SLC22A15: variants seen among roughly 807,000 people sequenced by gnomAD.
SLC22A15 encodes flipt 1.
A neutral mutation model predicts 62.7 loss-of-function variants in SLC22A15; 45 were observed. The observed-to-expected ratio is 0.72, with a 90% confidence interval of 0.56 to 0.92. The LOEUF (loss-of-function observed/expected upper bound fraction) is 0.92, where lower values mean the gene tolerates loss of function less well. SLC22A15 is among the 40% of genes least tolerant of loss of function. The pLI is 0.00. For missense variants in SLC22A15, 622 were observed against 665.6 expected (o/e 0.93, Z 0.72); for synonymous variants, 264 against 267.0 (o/e 0.99, Z 0.11).
intron 1 of SLC22A15, among the ~76,000 whole-genome samples, chr1:115,988,681 C>T (rs970345853): frequency 8.9e-6 from 1 of 112,046 alleles, no homozygotes; most frequent in Non-Finnish European, 1.8e-5. Flanking sequence ...CCACCATGCC[C>T]AGCTAATTTT....
At chr1:116,054,702 C>T (rs1658154531) in intron 8 of SLC22A15, among the ~76,000 whole-genome samples, 1 of 151,980 alleles carries the variant, frequency 6.6e-6, no homozygotes, top group African/African-American at 2.4e-5. Flanking sequence ...TTATAACAAA[C>T]TGCCTCAGAC....
chr1:116,059,856 T>G (rs963997258), intron 8 of SLC22A15, among the ~76,000 whole-genome samples: 1 of 152,350 alleles, frequency 6.6e-6, no homozygotes, highest in Non-Finnish European at 1.5e-5. Flanking sequence ...CCAAATGGTA[T>G]CTGGAAAACC....
chr1:116,048,488 A>G (rs1222095317), intron 8 of SLC22A15, among the ~76,000 whole-genome samples: 1 of 152,208 alleles, frequency 6.6e-6, no homozygotes, highest in African/African-American at 2.4e-5. Flanking sequence ...GAAATTAAGC[A>G]TCATATATGA....
intron 8 of SLC22A15, among the ~76,000 whole-genome samples, chr1:116,051,314 T>C (rs10923965): frequency 0.11 from 17,273 of 152,132 alleles, 1,521 homozygotes; most frequent in African/African-American, 0.24. Flanking sequence ...TTTCTAACTA[T>C]ACTATAGGGC....
chr1:116,000,009 G>T (rs1041605189), intron 2 of SLC22A15, among the ~76,000 whole-genome samples: 2 of 152,042 alleles, frequency 1.3e-5, no homozygotes, highest in Non-Finnish European at 2.9e-5. Context: ...TAGGTGAAGT[G>T]TGTTTCTTAT....
chr1:116,050,111 T>C (rs1451313429), intron 8 of SLC22A15, among the ~76,000 whole-genome samples: 2 of 151,700 alleles, frequency 1.3e-5, no homozygotes, highest in Non-Finnish European at 2.9e-5. Flanking sequence ...ATTTAAAAAT[T>C]ACCAACAAAA....
At chr1:116,041,298 CAAAG>C (rs1657778752) in intron 8 of SLC22A15, among the ~76,000 whole-genome samples, 1 of 151,950 alleles carries the variant, frequency 6.6e-6, no homozygotes. Context: ...TTCCTGGTCT[CAAAG>C]AATTTACAAT....
In SLC22A15 at chr1:116,067,544, C is replaced by A; in HGVS notation, c.*436C>A. 6.3e-6 allele frequency: 1 copy of A among 157,992 alleles called. No individual in the cohort carries two copies. Among genetic ancestry groups the A allele is most frequent in the Non-Finnish European group, 1.4e-5 (1 of 71,738 alleles). 9.8% of individuals were successfully genotyped at this position (157,992 alleles called of 1,614,324 possible). On this transcript the variant is annotated 3_prime_UTR_variant, in exon 12 of 12. Transcript: ENST00000369503. ...ATCCTTATACCATGTTGGACATTTG[C>A]CCCTATCAGTTGCTCCTCAGGAATC...
chr1:116,050,609 C>T (rs1018010376), intron 8 of SLC22A15, among the ~76,000 whole-genome samples: 1 of 152,090 alleles, frequency 6.6e-6, no homozygotes, highest in Non-Finnish European at 1.5e-5. Context: ...TATGACAAAC[C>T]CACAGCCAAC....
chr1:116,061,274 T>C (rs2101568243), intron 8 of SLC22A15, among the ~76,000 whole-genome samples: 1 of 152,290 alleles, frequency 6.6e-6, no homozygotes, highest in African/African-American at 2.4e-5. Context: ...GTTGAATGGA[T>C]TGGAAAGTAG....
intron 6 of SLC22A15, among the ~76,000 whole-genome samples, chr1:116,034,429 G>A (rs766553752): frequency 6.6e-6 from 1 of 152,190 alleles, no homozygotes; most frequent in Non-Finnish European, 1.5e-5. Flanking sequence ...GATTGTAGGA[G>A]AGAGGCTTGG....
intron 2 of SLC22A15, among the ~76,000 whole-genome samples, chr1:115,998,984 A>G (rs1309138207): frequency 2.0e-5 from 3 of 151,796 alleles, no homozygotes; most frequent in Admixed American, 6.6e-5. Context: ...TTCTATTTTC[A>G]TTTGTTTCAA....
In SLC22A15 at chr1:116,035,284, A is replaced by G; in HGVS notation, c.1042A>G (p.Ile348Val). 1 of 1,613,296 alleles carries G rather than the reference A, an allele frequency of 6.2e-7. No individual in the cohort carries two copies. The part of the protein sequence containing the change: ...ANLALSGLIE[I>V]PSYPLCIYLI... ...CCTGGCCCTGTCTGGCCTCATAGAG[A>G]TTCCATCTTACCCTCTCTGTATCTA... Residue 348 changes from isoleucine to valine, a missense_variant, in exon 7 of 12, where the codon ATT (isoleucine) becomes GTT (valine). Physicochemically the swap from Ile to Val is conservative, Grantham distance 29. Coordinates refer to ENST00000369503, the MANE Select transcript of SLC22A15 (RefSeq NM_018420.3).
chr1:116,025,447 A>G (rs1657041156), intron 4 of SLC22A15, among the ~76,000 whole-genome samples: 1 of 152,192 alleles, frequency 6.6e-6, no homozygotes, highest in Admixed American at 6.5e-5. Flanking sequence ...TTTCCTTTCT[A>G]GCTCTCCCTT....
Position 116,020,842 on chromosome 1 carries a change from C to G in SLC22A15, c.555C>G (p.Val185=), listed in dbSNP as rs111313186. ...GAGGGATGTCGCTGGTGGCCTTTGTCTTGCTTAATGAATGTGTGGGCACCG... is the reference window on the plus strand; with the variant it reads ...GAGGGATGTCGCTGGTGGCCTTTGTGTTGCTTAATGAATGTGTGGGCACCG... ...MNGGMSLVAF[V]LLNECVGTAY... The change falls in exon 4 of 12, where the codon GTC becomes GTG. Residue 185 remains valine, a synonymous_variant. Transcript: ENST00000369503. The G allele has an allele frequency of 8.1e-4, 1,309 of 1,613,496 alleles. 4 individuals are homozygous for G. The African/African-American group carries it at 9.8e-3, about 12-fold the overall frequency.
intron 5 of SLC22A15, among the ~76,000 whole-genome samples, chr1:116,027,666 C>T (rs930072969): frequency 2.6e-5 from 4 of 151,848 alleles, no homozygotes; most frequent in African/African-American, 9.7e-5. Context: ...GCCCTTGTTG[C>T]CCAGGCTGGA....
intron 8 of SLC22A15, among the ~76,000 whole-genome samples, chr1:116,045,188 C>T (rs1026406694): frequency 1.3e-4 from 20 of 151,836 alleles, no homozygotes; most frequent in Admixed American, 7.2e-4. Context: ...GGATTACAGG[C>T]GCCCACCATC....
intron 2 of SLC22A15, among the ~76,000 whole-genome samples, chr1:115,994,109 A>T (rs1655299043): frequency 6.6e-6 from 1 of 152,098 alleles, no homozygotes. Flanking sequence ...CAGCTCTAAA[A>T]GTTCTTTGAG....
chr1:116,018,426 G>A (rs556477469), intron 2 of SLC22A15, among the ~76,000 whole-genome samples: 4 of 151,938 alleles, frequency 2.6e-5, no homozygotes, highest in South Asian at 4.2e-4. Context: ...GTGCAGTGGC[G>A]CGATCTCAGC....
Sources: gnomAD v4.1 joint callset for allele counts (sites outside exome capture counted in the v4.1 genomes callset) on GRCh38, gnomAD v4.1.1 for gene constraint, MANE v1.5 for transcripts, NCBI Gene and HGNC (gene_info 2026-07-23, HGNC 2026-07-21) for gene names.